SGIP1: variants seen among roughly 807,000 people sequenced by gnomAD.
The protein encoded by SGIP1 is SH3-containing GRB2-like protein 3-interacting protein 1.
SGIP1 carries 38 observed loss-of-function variants against 107.5 expected under a neutral mutation model. That is an observed-to-expected ratio of 0.35 (90% confidence interval 0.27 to 0.46). The LOEUF is 0.46. Among genes scored for constraint, SGIP1 ranks in the 20% least tolerant of loss-of-function variants. SGIP1 has a pLI of 1.00. For missense variants in SGIP1, 929 were observed against 1,019.5 expected, an observed-to-expected ratio of 0.91 and a Z score of 1.21; for synonymous variants, 365 against 366.1, an observed-to-expected ratio of 1.00 and a Z score of 0.03.
At chr1:66,715,981 C>T (rs891229129) in intron 18 of SGIP1, among the ~76,000 whole-genome samples, 21 of 152,106 alleles carry the variant, frequency 1.4e-4, no homozygotes, top group Admixed American at 6.6e-4. Context: ...ATGGTTCAAG[C>T]GCGGTGCTAA....
At chr1:66,611,563 T>G (rs569556166) in intron 1 of SGIP1, among the ~76,000 whole-genome samples, 1 of 152,332 alleles carries the variant, frequency 6.6e-6, no homozygotes, top group East Asian at 1.9e-4. Context: ...TTCTGTCTCT[T>G]CCTGGCTGAA....
intron 1 of SGIP1, among the ~76,000 whole-genome samples, chr1:66,568,196 G>A (rs1478334106): frequency 1.3e-5 from 2 of 151,998 alleles, no homozygotes; most frequent in Non-Finnish European, 2.9e-5. Flanking sequence ...GTGGTTTGTA[G>A]TTCTCCCTGA....
intron 18 of SGIP1, among the ~76,000 whole-genome samples, chr1:66,697,522 T>C (rs1160918345): frequency 1.3e-5 from 2 of 152,224 alleles, no homozygotes; most frequent in Non-Finnish European, 2.9e-5. Context: ...TGAATAGCCA[T>C]ATCATGAATG....
At chr1:66,560,628 G>A (rs1050148118) in intron 1 of SGIP1, among the ~76,000 whole-genome samples, 1 of 151,998 alleles carries the variant, frequency 6.6e-6, no homozygotes, top group Non-Finnish European at 1.5e-5. Flanking sequence ...TTTATTTCTT[G>A]ACATAAATTC....
chr1:66,670,397 C>T (rs761953923), intron 9 of SGIP1, among the ~76,000 whole-genome samples: 11 of 152,144 alleles, frequency 7.2e-5, no homozygotes, highest in Non-Finnish European at 1.2e-4. Flanking sequence ...AATTGATGGG[C>T]CTAGTGGCAG....
intron 1 of SGIP1, among the ~76,000 whole-genome samples, chr1:66,567,019 T>A (rs969754271): frequency 6.6e-5 from 10 of 152,148 alleles, no homozygotes; most frequent in African/African-American, 2.4e-4. Flanking sequence ...GCTTCATCCA[T>A]GTCCCTGCAA....
At chr1:66,712,784 T>C (rs1380409984) in intron 18 of SGIP1, among the ~76,000 whole-genome samples, 2 of 152,164 alleles carry the variant, frequency 1.3e-5, no homozygotes, top group Non-Finnish European at 2.9e-5. Context: ...TCAGGCTGTC[T>C]ACATGTGTAC....
Position 66,637,731 on chromosome 1 carries a change from G to GTA in SGIP1, c.171+1728_171+1729dup, listed in dbSNP as rs141251840. Reference sequence around the variant, plus strand: ...GTTGTCAGGAAGGAAAGAAAAACAAGTATATATATATATCTGTGTGTGTGT... The same window carrying GTA: ...GTTGTCAGGAAGGAAAGAAAAACAAGTATATATATATATATCTGTGTGTGTGT... On this transcript the variant is annotated intron_variant, in intron 4 of 24. Coordinates refer to ENST00000371037, the MANE Select transcript of SGIP1 (RefSeq NM_032291.4). Among the ~76,000 whole-genome samples, 639 of 149,894 alleles carry GTA rather than the reference G, an allele frequency of 4.3e-3. 9 individuals carry two copies. Among genetic ancestry groups the GTA allele is most frequent in the African/African-American group, 0.014 (573 of 40,906 alleles).
intron 1 of SGIP1, among the ~76,000 whole-genome samples, chr1:66,554,060 C>T (rs1299274189): frequency 6.6e-6 from 1 of 152,124 alleles, no homozygotes; most frequent in East Asian, 1.9e-4. Context: ...TTACATTATC[C>T]TGTCTCCTGT....
chr1:66,670,648 T>C (rs1018902610), intron 9 of SGIP1, among the ~76,000 whole-genome samples: 6 of 152,230 alleles, frequency 3.9e-5, no homozygotes, highest in Non-Finnish European at 7.3e-5. Flanking sequence ...ATCAAATATA[T>C]GCTAAACTTC....
chr1:66,639,879 T>C (rs1258502900), intron 5 of SGIP1, 46 bp downstream of exon 5: 1 of 1,497,700 alleles, frequency 6.7e-7, no homozygotes, highest in East Asian at 2.3e-5. Context: ...TTTTACAGTT[T>C]AAAAATGAGT....
At chr1:66,619,636 G>T (rs905434127) in intron 1 of SGIP1, among the ~76,000 whole-genome samples, 1 of 152,218 alleles carries the variant, frequency 6.6e-6, no homozygotes, top group Admixed American at 6.5e-5. Context: ...GCTAGCAATG[G>T]AATGGCAGGA....
At chr1:66,565,656 C>T (rs1268944473) in intron 1 of SGIP1, among the ~76,000 whole-genome samples, 1 of 151,870 alleles carries the variant, frequency 6.6e-6, no homozygotes, top group Non-Finnish European at 1.5e-5. Context: ...GAAATTTGGG[C>T]TTAGATTTCC....
Position 66,660,141 on chromosome 1 carries a change from A to AAGAG in SGIP1, c.460-368_460-365dup, listed in dbSNP as rs2080954929. 5.1e-5 allele frequency: 2 copies of AAGAG among 39,074 alleles called. 1 individual carries two copies. The highest frequency in any genetic ancestry group is 7.3e-5 in the Non-Finnish European group (2 of 27,404). The allele number at this position is 39,074 out of a possible 1,614,324, so 2.4% of individuals were successfully genotyped here. A position where few individuals can be genotyped will look rare whatever the true frequency, so the allele number is the denominator to read the frequency against. On this transcript the variant is annotated intron_variant, in intron 7 of 24. Coordinates refer to ENST00000371037, the MANE Select transcript of SGIP1 (RefSeq NM_032291.4). ...GAAGGAAAGAAAGAAAGAAAGAAAG[A>AAGAG]AGAGAGAAAGAAAGAAAGAAAGAAA...
chr1:66,750,000 T>TCA lies in SGIP1; in HGVS notation c.*6906_*6907insAC, dbSNP rs753680936. Among the ~76,000 whole-genome samples, 1 of 86,936 alleles carries TCA rather than the reference T, an allele frequency of 1.2e-5. No individual in the cohort carries two copies. The highest frequency in any genetic ancestry group is 2.5e-5 in the Non-Finnish European group (1 of 40,190). 57.0% of individuals were successfully genotyped at this position (86,936 alleles called of 152,430 possible). The stretch of plus-strand genomic sequence containing the variant: ...TGGCTCCTATCTAATTCATATTCTC[T>TCA]CTCTCTCTCTCTCTCTTTCTCTGTG... On this transcript the variant is annotated 3_prime_UTR_variant, in exon 25 of 25. Coordinates refer to ENST00000371037, the MANE Select transcript of SGIP1 (RefSeq NM_032291.4).
rs547267955 is a variant in SGIP1 at position 66,728,239 on chromosome 1, G to A, written c.1743-1025G>A. On this transcript the variant is annotated intron_variant, in intron 19 of 24. Transcript: ENST00000371037. Reference sequence around the variant, plus strand: ...TTACTCATGTTACTCGAAGAGCTAAGTAAGACAAGTCCAGGAAATAATGTG... The same window carrying A: ...TTACTCATGTTACTCGAAGAGCTAAATAAGACAAGTCCAGGAAATAATGTG... 4.7e-4 allele frequency among the ~76,000 whole-genome samples: 71 copies of A among 152,260 alleles called. 1 individual carries two copies. The highest frequency in any genetic ancestry group is 1.7e-3 in the African/African-American group (69 of 41,566).
intron 1 of SGIP1, among the ~76,000 whole-genome samples, chr1:66,556,338 C>A (rs369036480): frequency 6.6e-6 from 1 of 152,080 alleles, no homozygotes; most frequent in East Asian, 1.9e-4. Context: ...ACAAGGCTAA[C>A]GGCAGGATGT....
intron 1 of SGIP1, among the ~76,000 whole-genome samples, chr1:66,585,570 T>TTGTG (rs113981156): frequency 0.026 from 3,899 of 150,020 alleles, 127 homozygotes; most frequent in African/African-American, 0.079. Flanking sequence ...GCTTTGGAGT[T>TTGTG]TGTGTGTGTG....
intron 1 of SGIP1, among the ~76,000 whole-genome samples, chr1:66,578,120 C>T (rs934693430): frequency 2.6e-5 from 4 of 152,066 alleles, no homozygotes; most frequent in African/African-American, 9.7e-5. Context: ...ACTACTGGTA[C>T]TGGGCATTAT....
Sources: allele counts gnomAD v4.1 joint callset (sites outside exome capture counted in the v4.1 genomes callset), GRCh38; gene constraint gnomAD v4.1.1; transcripts MANE v1.5; gene names NCBI Gene and HGNC (gene_info 2026-07-23, HGNC 2026-07-21).